Variants in TACC1 observed in about 807,000 individuals in gnomAD.
The protein encoded by TACC1 is transforming acidic coiled-coil containing protein 1.
Under a neutral mutation model 84.4 loss-of-function variants are expected in TACC1, and 48 were observed. That is an observed-to-expected ratio of 0.57 (90% CI 0.45 to 0.72). The LOEUF (loss-of-function observed/expected upper bound fraction) is 0.72, where lower values mean the gene tolerates loss of function less well. TACC1 is among the 30% of genes least tolerant of loss of function. The pLI, the probability that TACC1 is intolerant of heterozygous loss-of-function variation, is 0.00. For missense variants in TACC1, 920 were observed against 973.0 expected, an observed-to-expected ratio of 0.95 and a Z score of 0.72; for synonymous variants, 372 against 376.3, an observed-to-expected ratio of 0.99 and a Z score of 0.13.
intron 3 of TACC1, among the ~76,000 whole-genome samples, chr8:38,764,990 T>A (rs2151840122): frequency 6.6e-6 from 1 of 151,748 alleles, no homozygotes; most frequent in Non-Finnish European, 1.5e-5. Context: ...TCCCAGCTAC[T>A]CAAGAGGCTG....
chr8:38,845,450 G>T (rs1832050600), intron 11 of TACC1, among the ~76,000 whole-genome samples: 1 of 151,830 alleles, frequency 6.6e-6, no homozygotes, highest in South Asian at 2.1e-4. Context: ...TAAATACTAT[G>T]ATTTTGAACT....
chr8:38,779,845 C>T (rs1461463069), intron 3 of TACC1, among the ~76,000 whole-genome samples: 1 of 152,214 alleles, frequency 6.6e-6, no homozygotes, highest in Non-Finnish European at 1.5e-5. Flanking sequence ...ATACTTTCCT[C>T]CTGAGATTGT....
rs908848976 is a variant in TACC1 at position 38,848,616 on chromosome 8, A to G, written c.*593A>G. On this transcript the variant is annotated 3_prime_UTR_variant, in exon 13 of 13. Coordinates refer to ENST00000317827, the MANE Select transcript of TACC1 (RefSeq NM_006283.3). ...AGTAAGAACTGCTCTACAGAAGGAC[A>G]TATTTCCTTGGATGTGAGACCCTAT... 1 of 152,662 alleles carries G rather than the reference A, an allele frequency of 6.6e-6. No individual in the cohort carries two copies. The highest frequency in any genetic ancestry group is 1.5e-5 in the Non-Finnish European group (1 of 68,050). The allele number at this position is 152,662 out of a possible 1,614,324, so 9.5% of individuals were successfully genotyped here. A position where few individuals can be genotyped will look rare whatever the true frequency, so the allele number is the denominator to read the frequency against.
chr8:38,810,743 C>T (rs963644362), intron 2 of TACC1, among the ~76,000 whole-genome samples: 20 of 152,186 alleles, frequency 1.3e-4, no homozygotes, highest in African/African-American at 4.3e-4. Context: ...ATATCCATGG[C>T]TCTGGTGATG....
intron 2 of TACC1, among the ~76,000 whole-genome samples, chr8:38,791,906 G>C (rs1213461472): frequency 6.6e-6 from 1 of 152,184 alleles, no homozygotes; most frequent in African/African-American, 2.4e-5. Flanking sequence ...TGAACTCAGG[G>C]AAACATCTAA....
At chr8:38,751,972 A>G (rs1809120283) in intron 3 of TACC1, among the ~76,000 whole-genome samples, 1 of 152,204 alleles carries the variant, frequency 6.6e-6, no homozygotes, top group Non-Finnish European at 1.5e-5. Context: ...TCCTGGTGCT[A>G]TGAGGCCCGA....
rs187586592 is a variant in TACC1, at chr8:38,798,554, T to A, written c.277+9735T>A. On this transcript the variant is annotated intron_variant, in intron 2 of 12. Transcript: ENST00000317827. ...CTGGGTAATGTTTTTGTTTGGGGGTTTTTTGGAGGTTAGGAAGGGGTTTAA... is the reference window on the plus strand; with the variant it reads ...CTGGGTAATGTTTTTGTTTGGGGGTATTTTGGAGGTTAGGAAGGGGTTTAA... Among the ~76,000 whole-genome samples, 286 of 151,762 alleles carry A rather than the reference T, an allele frequency of 1.9e-3. 5 individuals carry two copies. Among genetic ancestry groups the A allele is most frequent in the Admixed American group, 0.018 (274 of 15,220 alleles).
intron 9 of TACC1, 139 bp from the exon 10 acceptor site, chr8:38,842,148 C>G (rs986321774): frequency 7.2e-6 from 7 of 976,484 alleles, no homozygotes; most frequent in Non-Finnish European, 9.1e-6. Context: ...CGCGTCTCCC[C>G]CAACTAGAGT....
At position 38,819,856 on chromosome 8, in the gene TACC1, C is replaced by T. The variant is rs779011727; in HGVS notation, c.612C>T (p.Thr204=). Residue 204 remains threonine (T), a synonymous_variant, in exon 3 of 13, where the codon ACC becomes ACT. Transcript: ENST00000317827. The stretch of plus-strand genomic sequence containing the variant: ...TGACAGAAGGCAGCATGGGGGTCAC[C>T]CTCGAGGCCTCCGCAGAAGCTGATC... ...EAMTEGSMGV[T]LEASAEADLK... The T allele has an allele frequency of 9.9e-6, 16 of 1,613,902 alleles. 1 individual carries two copies. The highest frequency in any genetic ancestry group is 3.3e-4 in the Middle Eastern group (2 of 6,062).
chr8:38,827,187 C>T lies in TACC1; in HGVS notation c.1472C>T (p.Ser491Phe), dbSNP rs1828277186. The change falls in exon 5 of 13, where the codon TCC (serine) becomes TTC (phenylalanine). Residue 491 changes from serine to phenylalanine, a missense_variant. Transcript: ENST00000317827. ...ACSRDEGAVISQISDISNRDG... is the reference protein window; with the variant it reads ...ACSRDEGAVIFQISDISNRDG... ...TCTCAGGATGAAGGGGCAGTGATCT[C>T]CCAGATTTCAGACATTTCTAATAGG... The T allele has an allele frequency of 4.3e-6, 7 of 1,613,744 alleles. No homozygotes were observed. Among genetic ancestry groups the T allele is most frequent in the Non-Finnish European group, 5.9e-6 (7 of 1,179,968 alleles).
chr8:38,825,207 T>C (rs1827765698), intron 3 of TACC1, 101 bp from the exon 4 acceptor site: 2 of 1,235,146 alleles, frequency 1.6e-6, no homozygotes, highest in Non-Finnish European at 2.4e-6. Context: ...TGCTGTATGC[T>C]TTGGCTTCTA....
At chr8:38,839,104 G>C (rs1830748110) in intron 8 of TACC1, among the ~76,000 whole-genome samples, 1 of 152,070 alleles carries the variant, frequency 6.6e-6, no homozygotes. Flanking sequence ...GCCCAGGCTG[G>C]TTTGTAACTC....
At chr8:38,809,618 A>G (rs1300209774) in intron 2 of TACC1, among the ~76,000 whole-genome samples, 2 of 152,140 alleles carry the variant, frequency 1.3e-5, no homozygotes, top group African/African-American at 2.4e-5. Flanking sequence ...TCCTTGTGTT[A>G]TGGAGATTAG....
intron 11 of TACC1, among the ~76,000 whole-genome samples, chr8:38,845,620 T>C (rs1289612526): frequency 6.6e-6 from 1 of 152,228 alleles, no homozygotes; most frequent in Non-Finnish European, 1.5e-5. Context: ...GGCACTTAGT[T>C]ACAAACTTTT....
At chr8:38,762,943 G>A (rs1378633530) in intron 3 of TACC1, among the ~76,000 whole-genome samples, 2 of 152,124 alleles carry the variant, frequency 1.3e-5, no homozygotes, top group African/African-American at 4.8e-5. Context: ...ATAAACCTAG[G>A]AGCTGGATTG....
chr8:38,777,127 G>C (rs1347908935), intron 3 of TACC1, among the ~76,000 whole-genome samples: 1 of 151,924 alleles, frequency 6.6e-6, no homozygotes, highest in Non-Finnish European at 1.5e-5. Flanking sequence ...GTGGTGGCAC[G>C]AGCCTGTAAT....
At chr8:38,826,218 A>G (rs7815289) in intron 4 of TACC1, among the ~76,000 whole-genome samples, 82,934 of 151,960 alleles carry the variant, frequency 0.55, 22,798 homozygotes, top group Middle Eastern at 0.59. Flanking sequence ...GGGGAAATTT[A>G]CAATCTGAGT....
Position 38,819,765 on chromosome 8 carries a change from G to A in TACC1, c.521G>A (p.Cys174Tyr), listed in dbSNP as rs770607395. Residue 174 changes from cysteine to tyrosine, a missense_variant, in exon 3 of 13, where the codon TGT (cysteine) becomes TAT (tyrosine). Around this residue, in one of 2 missense-constraint regions of TACC1, gnomAD observed 762 missense variants for 747.3 expected, o/e 1.02. Transcript: ENST00000317827. ...CTCGGAACAAAAGCAGCTCATGGCT[G>A]TGTAACTGCAGTCTCAGGCAAGGCT... ...AVLGTKAAHG[C>Y]VTAVSGKALP... 1.2e-6 allele frequency: 2 copies of A among 1,614,026 alleles called. No homozygotes were observed. Among genetic ancestry groups the A allele is most frequent in the East Asian group, 4.5e-5 (2 of 44,884 alleles).
chr8:38,818,965 A>G (rs887506565), intron 2 of TACC1, among the ~76,000 whole-genome samples: 5 of 152,124 alleles, frequency 3.3e-5, no homozygotes, highest in African/African-American at 1.2e-4. Context: ...TTTAGTAGAG[A>G]TGGGGTTTCA....
Sources: gnomAD v4.1 joint callset for allele counts (sites outside exome capture counted in the v4.1 genomes callset) on GRCh38, gnomAD v4.1.1 for gene constraint, gnomAD v4.1.1 regional missense constraint, MANE v1.5 for transcripts, NCBI Gene and HGNC (gene_info 2026-07-23, HGNC 2026-07-21) for gene names.